Variants in FREM1 observed in about 807,000 individuals in gnomAD.
The protein encoded by FREM1 is FRAS1 related extracellular matrix 1, also known as FRAS1-related extracellular matrix protein 1.
FREM1 carries 220 observed loss-of-function variants against 210.1 expected under a neutral mutation model. The observed-to-expected ratio is 1.05, with a 90% confidence interval of 0.94 to 1.17. The LOEUF (loss-of-function observed/expected upper bound fraction) is 1.17. Ranked by LOEUF, FREM1 falls within the 50% of genes most tolerant of loss-of-function variation. The pLI, the probability that FREM1 is intolerant of heterozygous loss-of-function variation, is 0.00. For missense variants in FREM1, 3,454 were observed against 2,675.5 expected (o/e 1.29, Z -6.42); for synonymous variants, 1,189 against 980.2 (o/e 1.21, Z -3.98).
chr9:14,808,299 T>C (rs1304264671), intron 16 of FREM1, among the ~76,000 whole-genome samples, 165 bp from the exon 17 acceptor site: 1 of 152,198 alleles, frequency 6.6e-6, no homozygotes, highest in East Asian at 1.9e-4. Context: ...TTAAATATAG[T>C]CATGAAAATA....
At chr9:14,852,935 G>A (rs147991078) in intron 5 of FREM1, among the ~76,000 whole-genome samples, 5 of 152,324 alleles carry the variant, frequency 3.3e-5, no homozygotes, top group Middle Eastern at 6.8e-3. Context: ...AAAGCAAGTT[G>A]TCTGGAACTA....
At chr9:14,845,356 G>A (rs1227816921) in intron 8 of FREM1, among the ~76,000 whole-genome samples, 1 of 151,870 alleles carries the variant, frequency 6.6e-6, no homozygotes, top group African/African-American at 2.4e-5. Flanking sequence ...CCAGGCTGGA[G>A]TGCAGTGGCG....
rs562543929 is a variant in FREM1, at chr9:14,771,415, T to G, written c.4858-609A>C. ...CTAGACATTTGCATATTTCTTTCAT[T>G]GAAGATGAGAGCCAGGTAGCTGAAC... On this transcript the variant is annotated intron_variant, in intron 25 of 36. Coordinates refer to ENST00000380880, the MANE Select transcript of FREM1 (RefSeq NM_001379081.2). Among the ~76,000 whole-genome samples, 31 of 152,288 alleles carry G rather than the reference T, an allele frequency of 2.0e-4. No individual in the cohort carries two copies. In the South Asian group the frequency reaches 6.2e-3, roughly 31 times the overall value.
chr9:14,839,674 A>T lies in FREM1; in HGVS notation c.1881+1773T>A, dbSNP rs576466885. Reference sequence around the variant, plus strand: ...GCACTAAAGTTTTCATTACAGAGAAATCTGACATCTATACTTGTGTATATG... The same window carrying T: ...GCACTAAAGTTTTCATTACAGAGAATTCTGACATCTATACTTGTGTATATG... On this transcript the variant is annotated intron_variant, in intron 10 of 36. Coordinates refer to ENST00000380880, the MANE Select transcript of FREM1 (RefSeq NM_001379081.2). Among the ~76,000 whole-genome samples the T allele has an allele frequency of 5.8e-4, 89 of 152,340 alleles. No homozygotes were observed. In the South Asian group the frequency reaches 9.3e-3, roughly 16 times the overall value.
chr9:14,760,429 A>G (rs756909298), intron 27 of FREM1, among the ~76,000 whole-genome samples: 12 of 152,292 alleles, frequency 7.9e-5, no homozygotes, highest in Non-Finnish European at 1.6e-4. Context: ...CATGTGTTTC[A>G]TAAGTGTTAT....
At chr9:14,840,833 C>A (rs1460674450) in intron 10 of FREM1, among the ~76,000 whole-genome samples, 1 of 152,186 alleles carries the variant, frequency 6.6e-6, no homozygotes, top group Non-Finnish European at 1.5e-5. Flanking sequence ...TTCTATATGG[C>A]AATGTTTGCT....
intron 11 of FREM1, 21 bp from the exon 12 acceptor site, chr9:14,824,136 G>A (rs1277002729): frequency 1.4e-6 from 2 of 1,437,544 alleles, no homozygotes; most frequent in Non-Finnish European, 1.9e-6. Context: ...ATACAGAGGA[G>A]CACATCAGCT....
At chr9:14,763,342 G>A (rs535775289) in intron 27 of FREM1, among the ~76,000 whole-genome samples, 3 of 152,282 alleles carry the variant, frequency 2.0e-5, no homozygotes, top group African/African-American at 7.2e-5. Flanking sequence ...CTCCTTGGGA[G>A]AAAAGTCACC....
At position 14,801,891 on chromosome 9, in the gene FREM1, G is replaced by A. The variant is rs1303300569; in HGVS notation, c.3472-17C>T. The stretch of plus-strand genomic sequence containing the variant: ...CTCACACACCTGAGCAAGAACACAT[G>A]AGAAAAGTCAACAATGCATAAAAGA... On this transcript the variant is annotated splice_polypyrimidine_tract_variant and intron_variant, in intron 19 of 36. Coordinates refer to ENST00000380880, the MANE Select transcript of FREM1 (RefSeq NM_001379081.2). 6.4e-7 allele frequency: 1 copy of A among 1,571,290 alleles called. No homozygotes were observed. The highest frequency in any genetic ancestry group is 1.8e-5 in the Admixed American group (1 of 56,806).
chr9:14,842,174 A>T (rs1825807336), intron 9 of FREM1, 142 bp downstream of exon 9: 2 of 588,208 alleles, frequency 3.4e-6, no homozygotes, highest in African/African-American at 1.8e-5. Flanking sequence ...AATGGGAATA[A>T]AAATACTATC....
At chr9:14,831,864 C>A (rs1328031379) in intron 10 of FREM1, among the ~76,000 whole-genome samples, 2 of 152,198 alleles carry the variant, frequency 1.3e-5, no homozygotes, top group Non-Finnish European at 1.5e-5. Context: ...CGGAGGGTCA[C>A]GCCTGCAAGT....
intron 1 of FREM1, among the ~76,000 whole-genome samples, chr9:14,903,064 C>T (rs1208175436): frequency 1.3e-5 from 2 of 152,202 alleles, no homozygotes; most frequent in Non-Finnish European, 2.9e-5. Flanking sequence ...ACATTTTAAT[C>T]ACCAATCAGC....
chr9:14,906,069 G>A (rs558160563), intron 1 of FREM1, among the ~76,000 whole-genome samples: 1 of 152,112 alleles, frequency 6.6e-6, no homozygotes, highest in Non-Finnish European at 1.5e-5. Flanking sequence ...TGCCATGTTT[G>A]TTTTCTTTTC....
At chr9:14,849,663 G>A (rs1330182581) in intron 6 of FREM1, among the ~76,000 whole-genome samples, 1 of 152,230 alleles carries the variant, frequency 6.6e-6, no homozygotes, top group Non-Finnish European at 1.5e-5. Flanking sequence ...TACATGGGCA[G>A]GAGGTGTCTT....
chr9:14,792,311 G>C (rs199900482), intron 22 of FREM1, among the ~76,000 whole-genome samples: 5,983 of 140,642 alleles, frequency 0.043, 265 homozygotes, highest in East Asian at 0.24. Flanking sequence ...CACAGAGAGA[G>C]AGAGAGATTG....
At chr9:14,856,413 T>C (rs989336093) in intron 5 of FREM1, among the ~76,000 whole-genome samples, 1 of 152,226 alleles carries the variant, frequency 6.6e-6, no homozygotes, top group African/African-American at 2.4e-5. Flanking sequence ...TATGATTTTG[T>C]TTTATCATTT....
chr9:14,859,584 T>C, intron 3 of FREM1, 100 bp from the exon 4 acceptor site: 2 of 958,584 alleles, frequency 2.1e-6, no homozygotes, highest in Non-Finnish European at 3.1e-6. Context: ...TTCACCAAAT[T>C]TGTGCCACAG....
At chr9:14,801,896 A>G (rs768349076) in intron 19 of FREM1, 22 bp from the exon 20 acceptor site, 3 of 1,549,754 alleles carry the variant, frequency 1.9e-6, no homozygotes, top group African/African-American at 2.7e-5. Flanking sequence ...CACATGAGAA[A>G]AGTCAACAAT....
In FREM1 at chr9:14,855,877, AT is replaced by A. The variant is rs1474897354; in HGVS notation, c.828+1675del. ...TTGATCAAAAAGAAAAATGGCTCCA[AT>A]TTTTTTTCAATGGATATAATAAATC... On this transcript the variant is annotated intron_variant, in intron 5 of 36. Transcript: ENST00000380880. Among the ~76,000 whole-genome samples, 7 of 151,958 alleles carry A rather than the reference AT, an allele frequency of 4.6e-5. No homozygotes were observed. The South Asian group carries it at 1.5e-3, about 32-fold the overall frequency.
Sources: allele counts gnomAD v4.1 joint callset (sites outside exome capture counted in the v4.1 genomes callset), GRCh38; gene constraint gnomAD v4.1.1; transcripts MANE v1.5; gene names NCBI Gene and HGNC (gene_info 2026-07-23, HGNC 2026-07-21).